The following PRKD1 variants were observed in gnomAD, a reference collection of about 807,000 sequenced individuals.
PRKD1 encodes the protein serine/threonine-protein kinase D1.
In PRKD1, 63 loss-of-function variants were observed where a neutral mutation model predicts 95.9. That is an observed-to-expected ratio of 0.66 (90% CI 0.54 to 0.81). The LOEUF is 0.81. PRKD1 is among the 30% of genes least tolerant of loss of function. The pLI is 0.00. For missense variants in PRKD1, 1,048 were observed against 1,165.3 expected, an observed-to-expected ratio of 0.90 and a Z score of 1.47; for synonymous variants, 425 against 423.1, an observed-to-expected ratio of 1.00 and a Z score of -0.05.
chr14:29,895,045 C>A (rs1594609702), intron 1 of PRKD1, among the ~76,000 whole-genome samples: 1 of 131,218 alleles, frequency 7.6e-6, no homozygotes, highest in Non-Finnish European at 1.8e-5. Flanking sequence ...TTTATAAGAA[C>A]AAATAGCCGG....
At chr14:29,925,153 T>A (rs1215356234) in intron 1 of PRKD1, among the ~76,000 whole-genome samples, 2 of 152,048 alleles carry the variant, frequency 1.3e-5, no homozygotes, top group African/African-American at 4.8e-5. Flanking sequence ...CTAGAATAAA[T>A]ACAAAAGGAA....
At chr14:29,895,694 A>G (rs1894100515) in intron 1 of PRKD1, among the ~76,000 whole-genome samples, 1 of 152,122 alleles carries the variant, frequency 6.6e-6, no homozygotes, top group Non-Finnish European at 1.5e-5. Context: ...GCTGTCCTGC[A>G]AGCACTTTAG....
Position 29,682,536 on chromosome 14 carries a change from T to C in PRKD1, c.404-16328A>G, listed in dbSNP as rs931178311. 1.4e-4 allele frequency among the ~76,000 whole-genome samples: 21 copies of C among 152,310 alleles called. 1 individual carries two copies. Among genetic ancestry groups the C allele is most frequent in the Middle Eastern group, 3.4e-3 (1 of 294 alleles). On this transcript the variant is annotated intron_variant, in intron 2 of 17. Transcript: ENST00000331968. ...TCCCACTTCATCAATATCCCTTCCTTGCTTTATTAAATGGCTTTATGTTTC... is the reference window on the plus strand; with the variant it reads ...TCCCACTTCATCAATATCCCTTCCTCGCTTTATTAAATGGCTTTATGTTTC...
At chr14:29,728,131 G>A (rs567798376) in intron 1 of PRKD1, among the ~76,000 whole-genome samples, 5 of 151,722 alleles carry the variant, frequency 3.3e-5, no homozygotes, top group Admixed American at 3.3e-4. Flanking sequence ...TTCATATTGT[G>A]CACATGTACC....
At chr14:29,858,239 C>T (rs1011213793) in intron 1 of PRKD1, among the ~76,000 whole-genome samples, 5 of 152,158 alleles carry the variant, frequency 3.3e-5, no homozygotes, top group Non-Finnish European at 7.3e-5. Flanking sequence ...GCACCTATCA[C>T]CATCTGACCT....
chr14:29,623,327 T>A (rs1403373759), intron 13 of PRKD1, among the ~76,000 whole-genome samples: 1 of 152,194 alleles, frequency 6.6e-6, no homozygotes, highest in Admixed American at 6.5e-5. Flanking sequence ...GTTTTTATCA[T>A]ATGAAACTCA....
chr14:29,769,561 G>A (rs149161352), intron 1 of PRKD1, among the ~76,000 whole-genome samples: 9 of 151,714 alleles, frequency 5.9e-5, no homozygotes, highest in East Asian at 3.9e-4. Context: ...CCAGTCTCCC[G>A]AAAAAAATAA....
chr14:29,865,035 C>T (rs964507014), intron 1 of PRKD1, among the ~76,000 whole-genome samples: 3 of 152,166 alleles, frequency 2.0e-5, no homozygotes, highest in Admixed American at 6.5e-5. Flanking sequence ...ACACAAGTCA[C>T]ATGTGCCAAC....
intron 1 of PRKD1, among the ~76,000 whole-genome samples, chr14:29,868,417 T>C (rs1892985672): frequency 6.6e-6 from 1 of 152,102 alleles, no homozygotes; most frequent in South Asian, 2.1e-4. Context: ...AAAAGGAGTG[T>C]CAATAAAATT....
intron 1 of PRKD1, among the ~76,000 whole-genome samples, chr14:29,892,145 T>C (rs946937874): frequency 2.6e-5 from 4 of 152,212 alleles, no homozygotes; most frequent in Non-Finnish European, 4.4e-5. Flanking sequence ...ATGTTTTTCC[T>C]ACAAACAGTT....
intron 13 of PRKD1, 71 bp downstream of exon 13, chr14:29,624,081 T>C: frequency 9.1e-7 from 1 of 1,096,074 alleles, no homozygotes; most frequent in Non-Finnish European, 1.3e-6. Flanking sequence ...TAGAGAAAAT[T>C]TATTTGCTTT....
At chr14:29,642,902 C>G (rs1333924289) in intron 4 of PRKD1, among the ~76,000 whole-genome samples, 1 of 138,360 alleles carries the variant, frequency 7.2e-6, no homozygotes, top group Non-Finnish European at 1.6e-5. Context: ...CCTGAAAAAT[C>G]TGCAGAATGA....
At chr14:29,864,052 G>A (rs915342148) in intron 1 of PRKD1, among the ~76,000 whole-genome samples, 1 of 152,016 alleles carries the variant, frequency 6.6e-6, no homozygotes, top group African/African-American at 2.4e-5. Flanking sequence ...TAAGGTATCA[G>A]TTAAAGCATA....
At chr14:29,675,968 G>A (rs531511141) in intron 2 of PRKD1, among the ~76,000 whole-genome samples, 4 of 127,728 alleles carry the variant, frequency 3.1e-5, no homozygotes, top group Non-Finnish European at 4.9e-5. Flanking sequence ...ATCACACATC[G>A]GGGCCTGTCG....
chr14:29,877,085 G>A (rs975652866), intron 1 of PRKD1, among the ~76,000 whole-genome samples: 1 of 152,206 alleles, frequency 6.6e-6, no homozygotes, highest in African/African-American at 2.4e-5. Context: ...CCAGGAGGCA[G>A]AGGTTGCAGT....
chr14:29,790,656 C>T (rs1040988019), intron 1 of PRKD1, among the ~76,000 whole-genome samples: 6 of 152,166 alleles, frequency 3.9e-5, no homozygotes, highest in African/African-American at 1.4e-4. Context: ...CTAAACTATA[C>T]ATCCTTCTAA....
At chr14:29,584,111 GC>G (rs1486446206) in intron 16 of PRKD1, among the ~76,000 whole-genome samples, 2 of 152,168 alleles carry the variant, frequency 1.3e-5, no homozygotes, top group African/African-American at 4.8e-5. Context: ...ATATGCGGGT[GC>G]AGAGGGCTTT....
intron 11 of PRKD1, among the ~76,000 whole-genome samples, chr14:29,628,530 G>T (rs1360599186): frequency 6.6e-6 from 1 of 152,068 alleles, no homozygotes; most frequent in Non-Finnish European, 1.5e-5. Flanking sequence ...GATGACTAGG[G>T]TGCTAAAATG....
At chr14:29,764,354 GA>G (rs1425600820) in intron 1 of PRKD1, among the ~76,000 whole-genome samples, 1 of 152,092 alleles carries the variant, frequency 6.6e-6, no homozygotes, top group Non-Finnish European at 1.5e-5. Context: ...AGGTAAGAGG[GA>G]AATATTAGGT....
Sources: gnomAD v4.1 joint callset for allele counts (sites outside exome capture counted in the v4.1 genomes callset) on GRCh38, gnomAD v4.1.1 for gene constraint, MANE v1.5 for transcripts, NCBI Gene and HGNC (gene_info 2026-07-23, HGNC 2026-07-21) for gene names.